Variants in EPHA4 observed in about 807,000 individuals in gnomAD.
EPHA4 encodes the protein ephrin type-A receptor 4.
In EPHA4, 19 loss-of-function variants were observed where a neutral mutation model predicts 108.3. The observed-to-expected ratio is 0.18, with a 90% CI of 0.12 to 0.26. EPHA4 has a LOEUF of 0.26. Among genes scored for constraint, EPHA4 ranks in the 10% least tolerant of loss-of-function variants. The pLI is 1.00. For missense variants in EPHA4, 917 were observed against 1,254.0 expected (o/e 0.73, Z 4.06); for synonymous variants, 449 against 455.5 (o/e 0.99, Z 0.18).
chr2:221,482,106 CG>C (rs1691837955), intron 5 of EPHA4, among the ~76,000 whole-genome samples: 1 of 152,054 alleles, frequency 6.6e-6, no homozygotes, highest in East Asian at 1.9e-4. Flanking sequence ...GGGGTGTCAT[CG>C]TGTTGCCCAG....
chr2:221,429,546 C>T (rs1043000046), intron 15 of EPHA4, among the ~76,000 whole-genome samples: 1 of 152,100 alleles, frequency 6.6e-6, no homozygotes, highest in Non-Finnish European at 1.5e-5. Flanking sequence ...CTTAAAATTG[C>T]CGTGCTTAAA....
In EPHA4 at chr2:221,457,995, T is replaced by C. The variant is rs2106118960; in HGVS notation, c.1319-5A>G. On this transcript the variant is annotated splice_polypyrimidine_tract_variant and splice_region_variant and intron_variant, in intron 5 of 17. Transcript: ENST00000281821. ...CCAAAGCAATGGATGATGGTGCTGT[T>C]AGAAAAAAACAAAAGACAAAAGATA... 3.1e-6 allele frequency: 5 copies of C among 1,603,800 alleles called. No individual in the cohort carries two copies. Among genetic ancestry groups the C allele is most frequent in the Middle Eastern group, 1.7e-4 (1 of 6,014 alleles).
At chr2:221,476,110 C>T in intron 5 of EPHA4, among the ~76,000 whole-genome samples, 1 of 152,204 alleles carries the variant, frequency 6.6e-6, no homozygotes, top group East Asian at 1.9e-4. Context: ...ATCCCAGCTA[C>T]TCAGGAAGCT....
chr2:221,553,461 A>C (rs1694219259), intron 3 of EPHA4, among the ~76,000 whole-genome samples: 1 of 152,222 alleles, frequency 6.6e-6, no homozygotes, highest in Admixed American at 6.5e-5. Flanking sequence ...AGGTTGGCCC[A>C]TATTTACCTG....
At chr2:221,460,806 T>C (rs2106121212) in intron 5 of EPHA4, among the ~76,000 whole-genome samples, 1 of 152,302 alleles carries the variant, frequency 6.6e-6, no homozygotes, top group South Asian at 2.1e-4. Flanking sequence ...AATGACATTT[T>C]GCAATTTTCC....
intron 3 of EPHA4, among the ~76,000 whole-genome samples, chr2:221,509,443 G>A (rs1692758617): frequency 6.6e-6 from 1 of 152,184 alleles, no homozygotes; most frequent in Admixed American, 6.5e-5. Context: ...AGAAATTCAA[G>A]TTTATTTCAT....
chr2:221,497,120 A>G (rs1692322459), intron 4 of EPHA4, among the ~76,000 whole-genome samples: 1 of 152,134 alleles, frequency 6.6e-6, no homozygotes, highest in Non-Finnish European at 1.5e-5. Flanking sequence ...CCTGCTGTGG[A>G]GGCAGTTTGG....
chr2:221,548,362 C>CAAAAAA (rs536224750), intron 3 of EPHA4, among the ~76,000 whole-genome samples: 226 of 137,486 alleles, frequency 1.6e-3, no homozygotes, highest in Non-Finnish European at 3.0e-3. Flanking sequence ...GAGTCCGTCT[C>CAAAAAA]AAAAAAAAAA....
At chr2:221,471,945 G>T (rs1204943147) in intron 5 of EPHA4, among the ~76,000 whole-genome samples, 1 of 152,234 alleles carries the variant, frequency 6.6e-6, no homozygotes, top group South Asian at 2.1e-4. Flanking sequence ...GGAGAGAAAT[G>T]AGATGATGTT....
intron 3 of EPHA4, among the ~76,000 whole-genome samples, chr2:221,562,922 A>G (rs1249346893): frequency 6.6e-6 from 1 of 152,208 alleles, no homozygotes; most frequent in Admixed American, 6.5e-5. Context: ...AGGTGAGAAA[A>G]AAAAATCCAC....
At chr2:221,471,815 A>C (rs564321090) in intron 5 of EPHA4, among the ~76,000 whole-genome samples, 10 of 152,340 alleles carry the variant, frequency 6.6e-5, no homozygotes, top group African/African-American at 1.9e-4. Flanking sequence ...TCATGGCTAC[A>C]AAAGGATACT....
chr2:221,558,911 G>A (rs1009732014), intron 3 of EPHA4, among the ~76,000 whole-genome samples: 1 of 152,178 alleles, frequency 6.6e-6, no homozygotes, highest in Non-Finnish European at 1.5e-5. Context: ...ACGATTCAAA[G>A]GTAGAGGAAA....
chr2:221,433,247 A>G (rs1690136197), intron 14 of EPHA4, among the ~76,000 whole-genome samples: 1 of 152,230 alleles, frequency 6.6e-6, no homozygotes, highest in Admixed American at 6.5e-5. Flanking sequence ...TGGATAGGTA[A>G]CATTCCACCA....
At chr2:221,458,978 C>T (rs1310852172) in intron 5 of EPHA4, among the ~76,000 whole-genome samples, 3 of 152,208 alleles carry the variant, frequency 2.0e-5, no homozygotes, top group Non-Finnish European at 4.4e-5. Context: ...ATGTCAAAAA[C>T]TGGCCACTGA....
In EPHA4 at chr2:221,500,933, C is replaced by T; in HGVS notation, c.979+84G>A. The T allele has an allele frequency of 3.6e-6, 5 of 1,380,074 alleles. No homozygotes were observed. In the South Asian group the frequency reaches 7.8e-5, roughly 22 times the overall value. 85.5% of individuals were successfully genotyped at this position (1,380,074 alleles called of 1,614,324 possible). A position where few individuals can be genotyped will look rare whatever the true frequency, so the allele number is the denominator to read the frequency against. On this transcript the variant is annotated intron_variant, in intron 4 of 17. Transcript: ENST00000281821. The stretch of plus-strand genomic sequence containing the variant: ...CTCAAGTGCCCCCTGAATGATTATC[C>T]CAGGAGAAGACCTGGCAGTGCCTTG...
chr2:221,551,787 C>A (rs988271775), intron 3 of EPHA4, among the ~76,000 whole-genome samples: 1 of 152,034 alleles, frequency 6.6e-6, no homozygotes, highest in Non-Finnish European at 1.5e-5. Flanking sequence ...CTTTTAAAGA[C>A]GCTTTTCATT....
At position 221,419,007 on chromosome 2, in the gene EPHA4, A is replaced by T. The variant is rs1412028682; in HGVS notation, c.*2365T>A. On this transcript the variant is annotated 3_prime_UTR_variant, in exon 18 of 18. Transcript: ENST00000281821. ...GTCAGAATGTAATAAATATTTATTGATGATTTTCTCTACTTATTCAACAAT... is the reference window on the plus strand; with the variant it reads ...GTCAGAATGTAATAAATATTTATTGTTGATTTTCTCTACTTATTCAACAAT... The T allele has an allele frequency of 1.3e-5, 2 of 152,692 alleles. No homozygotes were observed. The highest frequency in any genetic ancestry group is 2.9e-5 in the Non-Finnish European group (2 of 68,052). The allele number at this position is 152,692 out of a possible 1,614,324, so 9.5% of individuals were successfully genotyped here. A position where few individuals can be genotyped will look rare whatever the true frequency, so the allele number is the denominator to read the frequency against.
chr2:221,427,739 CA>C (rs958057799), intron 15 of EPHA4, among the ~76,000 whole-genome samples: 4 of 152,020 alleles, frequency 2.6e-5, no homozygotes, highest in African/African-American at 7.2e-5. Context: ...AATTTTCAAC[CA>C]AAAAACTCTT....
At chr2:221,555,024 A>T (rs1694264818) in intron 3 of EPHA4, among the ~76,000 whole-genome samples, 1 of 152,230 alleles carries the variant, frequency 6.6e-6, no homozygotes. Flanking sequence ...GCAAGATTCC[A>T]GCTGAAGCTG....
Sources: gnomAD v4.1 joint callset for allele counts (sites outside exome capture counted in the v4.1 genomes callset) on GRCh38, gnomAD v4.1.1 for gene constraint, MANE v1.5 for transcripts, NCBI Gene and HGNC (gene_info 2026-07-23, HGNC 2026-07-21) for gene names.